Variants in LRRC53 observed in about 807,000 individuals in gnomAD.
LRRC53 encodes leucine rich repeat containing 53.
Under a neutral mutation model 13.6 loss-of-function variants are expected in LRRC53, and 25 were observed. That is an observed-to-expected ratio of 1.83 (90% CI 1.34 to 2.56). The LOEUF (loss-of-function observed/expected upper bound fraction) is 2.56, where lower values mean the gene tolerates loss of function less well. Among genes scored for constraint, LRRC53 ranks in the 30% most tolerant of loss-of-function variants. The probability of loss-of-function intolerance (pLI) is 0.00; values close to 1 mark genes in which losing one functional copy is unlikely to be tolerated. For missense variants in LRRC53, 527 were observed against 275.8 expected, an observed-to-expected ratio of 1.91 and a Z score of -6.45; for synonymous variants, 204 against 109.8, an observed-to-expected ratio of 1.86 and a Z score of -5.37.
intron 3 of LRRC53, among the ~76,000 whole-genome samples, chr1:74,477,523 G>T (rs1668264957): frequency 6.6e-6 from 1 of 152,122 alleles, no homozygotes; most frequent in African/African-American, 2.4e-5. Context: ...AATGACTAGT[G>T]CAGTTAGTAG....
the LRRC53 span, among the ~76,000 whole-genome samples, chr1:74,519,888 C>G: frequency 6.6e-6 from 1 of 152,144 alleles, no homozygotes; most frequent in African/African-American, 2.4e-5. Context: ...TGTGGGAGCA[C>G]AGATCCACCT....
chr1:74,518,837 C>T, the LRRC53 span, among the ~76,000 whole-genome samples: 1 of 141,388 alleles, frequency 7.1e-6, no homozygotes, highest in African/African-American at 2.9e-5. Context: ...AACAAATTAC[C>T]TTACTTTATT....
At position 74,471,964 on chromosome 1, in the gene LRRC53, TC is replaced by T; in HGVS notation, c.1657del (p.Asp553IlefsTer6). 1 of 616,658 alleles carries T rather than the reference TC, an allele frequency of 1.6e-6. No homozygotes were observed. Among genetic ancestry groups the T allele is most frequent in the South Asian group, 2.0e-5 (1 of 50,162 alleles). 38.2% of individuals were successfully genotyped at this position (616,658 alleles called of 1,614,324 possible). On this transcript the variant is annotated frameshift_variant, in exon 5 of 5. Transcript: ENST00000294635. LOFTEE classifies it low-confidence loss of function (END_TRUNC). Reference sequence around the variant, plus strand: ...GCTCTGTTTTAACAGTCCACAAGGATCATCATATTTTGATCTATTTTTTTGT... The same window carrying T: ...GCTCTGTTTTAACAGTCCACAAGGATATCATATTTTGATCTATTTTTTTGT... ...IVQKNRSKYD[D>X]PCGLLKQSKP...
chr1:74,529,464 A>G, the LRRC53 span, among the ~76,000 whole-genome samples: 1 of 152,244 alleles, frequency 6.6e-6, no homozygotes, highest in East Asian at 1.9e-4. Context: ...AGACCATTTC[A>G]GACAGAAAGA....
intron 1 of LRRC53, among the ~76,000 whole-genome samples, chr1:74,487,087 A>G (rs1404436414): frequency 6.6e-6 from 1 of 152,222 alleles, no homozygotes; most frequent in Non-Finnish European, 1.5e-5. Context: ...ACAGCAATGG[A>G]ACAGTAGCTT....
chr1:74,480,279 T>G lies in LRRC53; in HGVS notation c.778A>C (p.Ser260Arg), dbSNP rs112024313. ...TTGGTCTCAGACAGCCTCAGCACACTCTGTGCAGCTGCCACAGCTGCGGTA... is the reference window on the plus strand; with the variant it reads ...TTGGTCTCAGACAGCCTCAGCACACGCTGTGCAGCTGCCACAGCTGCGGTA... ...PSTAAVAAAQ[S>R]VLRLSETNCD... Residue 260 changes from serine (S) to arginine (R), a missense_variant, in exon 3 of 5, where the codon AGT becomes CGT. By Grantham distance (110) the Ser-to-Arg change is moderately radical. Coordinates refer to ENST00000294635, the MANE Select transcript of LRRC53 (RefSeq NM_001382280.1). The G allele has an allele frequency of 1.5e-5, 11 of 717,496 alleles. No individual in the cohort carries two copies. The highest frequency in any genetic ancestry group is 2.1e-5 in the Non-Finnish European group (8 of 385,074). The allele number at this position is 717,496 out of a possible 1,614,324, so 44.4% of individuals were successfully genotyped here.
the LRRC53 span, among the ~76,000 whole-genome samples, chr1:74,529,253 C>G: frequency 6.6e-6 from 1 of 152,064 alleles, no homozygotes; most frequent in Non-Finnish European, 1.5e-5. Context: ...ATTAACAACA[C>G]AATAATGGGA....
chr1:74,522,645 T>C, the LRRC53 span, among the ~76,000 whole-genome samples: 1 of 151,068 alleles, frequency 6.6e-6, no homozygotes, highest in Non-Finnish European at 1.5e-5. Flanking sequence ...TATGTGTGTG[T>C]GTGTGTGAGA....
intron 3 of LRRC53, among the ~76,000 whole-genome samples, chr1:74,479,476 C>T (rs921393172): frequency 1.3e-5 from 2 of 152,144 alleles, no homozygotes; most frequent in Non-Finnish European, 2.9e-5. Context: ...TAGAAGAATT[C>T]AAAACCACCC....
the LRRC53 span, among the ~76,000 whole-genome samples, chr1:74,535,528 C>T: frequency 6.6e-6 from 1 of 152,112 alleles, no homozygotes; most frequent in Non-Finnish European, 1.5e-5. Context: ...TCTGGGACGT[C>T]ACTTGTCACA....
At chr1:74,507,657 G>A (rs1244879821) in intron 1 of LRRC53, among the ~76,000 whole-genome samples, 1 of 152,092 alleles carries the variant, frequency 6.6e-6, no homozygotes, top group Non-Finnish European at 1.5e-5. Context: ...CATTAGGATG[G>A]TTCACTGACA....
chr1:74,489,882 A>G (rs1478460273), intron 1 of LRRC53, among the ~76,000 whole-genome samples: 1 of 152,080 alleles, frequency 6.6e-6, no homozygotes, highest in East Asian at 1.9e-4. Flanking sequence ...ATATTCTCAA[A>G]TGGAAATAAG....
At position 74,471,071 on chromosome 1, in the gene LRRC53, T is replaced by A. The variant is rs1236665693; in HGVS notation, c.2551A>T (p.Arg851Trp). The A allele has an allele frequency of 2.5e-6, 1 of 400,644 alleles. No individual in the cohort carries two copies. The allele number at this position is 400,644 out of a possible 1,614,324, so 24.8% of individuals were successfully genotyped here. Residue 851 changes from arginine (R) to tryptophan (W), a missense_variant, in exon 5 of 5, where the codon AGG becomes TGG. Physicochemically the swap from Arg to Trp is moderately radical, Grantham distance 101 (BLOSUM62 -3). Coordinates refer to ENST00000294635, the MANE Select transcript of LRRC53 (RefSeq NM_001382280.1). Reference protein sequence around the residue: ...PQPTPTDAEHRHSHSQFSTEQ... With the variant: ...PQPTPTDAEHWHSHSQFSTEQ... ...GTTGAGAATTGAGAATGTGAGTGCCTGTGCTCAGCATCAGTGGGTGTAGGT... is the reference window on the plus strand; with the variant it reads ...GTTGAGAATTGAGAATGTGAGTGCCAGTGCTCAGCATCAGTGGGTGTAGGT...
At chr1:74,498,969 CAT>C (rs1467617944) in intron 1 of LRRC53, among the ~76,000 whole-genome samples, 3 of 152,120 alleles carry the variant, frequency 2.0e-5, no homozygotes, top group African/African-American at 7.2e-5. Context: ...AAAAGCAAAA[CAT>C]AATATTCTGA....
chr1:74,503,041 A>G (rs1669715120), intron 1 of LRRC53, among the ~76,000 whole-genome samples: 1 of 152,226 alleles, frequency 6.6e-6, no homozygotes, highest in Non-Finnish European at 1.5e-5. Context: ...GGAACTGAGT[A>G]CACTGTAAAA....
At chr1:74,517,581 T>A (rs1376808530), upstream of LRRC53, among the ~76,000 whole-genome samples, 1 of 152,134 alleles carries the variant, frequency 6.6e-6, no homozygotes, top group Non-Finnish European at 1.5e-5. Flanking sequence ...ACTCCACATG[T>A]GGGGGCTGTG....
chr1:74,484,531 G>T (rs1043263889), intron 1 of LRRC53, among the ~76,000 whole-genome samples: 1 of 152,124 alleles, frequency 6.6e-6, no homozygotes, highest in African/African-American at 2.4e-5. Context: ...GGAGAAGATC[G>T]CATTGACTCG....
At chr1:74,532,919 A>G in the LRRC53 span, among the ~76,000 whole-genome samples, 6 of 152,200 alleles carry the variant, frequency 3.9e-5, no homozygotes, top group Non-Finnish European at 8.8e-5. Flanking sequence ...TTAATTCAAG[A>G]TGGATTAAAG....
intron 1 of LRRC53, among the ~76,000 whole-genome samples, chr1:74,489,555 ATTAT>A (rs1316674604): frequency 1.3e-5 from 2 of 152,244 alleles, no homozygotes; most frequent in Non-Finnish European, 2.9e-5. Context: ...TTAGAAGGTA[ATTAT>A]TTAATCAATT....
Sources: allele counts gnomAD v4.1 joint callset (sites outside exome capture counted in the v4.1 genomes callset), GRCh38; gene constraint gnomAD v4.1.1; transcripts MANE v1.5; gene names NCBI Gene and HGNC (gene_info 2026-07-23, HGNC 2026-07-21).